POLR2B: variants seen among roughly 807,000 people sequenced by gnomAD.
POLR2B encodes RNA polymerase II subunit B.
A neutral mutation model predicts 144.6 loss-of-function variants in POLR2B; 57 were observed. That is an observed-to-expected ratio of 0.39 (90% CI 0.32 to 0.49). The LOEUF (loss-of-function observed/expected upper bound fraction) is 0.49. Ranked by LOEUF, POLR2B falls within the 20% of genes least tolerant of loss-of-function variation. The pLI is 0.83. For synonymous variants in POLR2B, 442 were observed against 469.8 expected, an observed-to-expected ratio of 0.94 and a Z score of 0.77; for missense variants, 595 against 1,467.4, an observed-to-expected ratio of 0.41 and a Z score of 9.71.
At chr4:56,998,369 G>C (rs1257536487) in intron 6 of POLR2B, among the ~76,000 whole-genome samples, 5 of 151,820 alleles carry the variant, frequency 3.3e-5, no homozygotes, top group Non-Finnish European at 7.4e-5. Context: ...AGCTAATTTT[G>C]TATATTTAGT....
In POLR2B at chr4:57,025,374, C is replaced by A; in HGVS notation, c.3079-3C>A. 6.2e-7 allele frequency: 1 copy of A among 1,607,686 alleles called. No individual in the cohort carries two copies. The highest frequency in any genetic ancestry group is 8.5e-7 in the Non-Finnish European group (1 of 1,174,388). On this transcript the variant is annotated splice_region_variant and splice_polypyrimidine_tract_variant and intron_variant, in intron 22 of 24. Transcript: ENST00000314595. ...TACACTTCAAAATCTGTGTTTGTTG[C>A]AGGTCCTGTACAATGGGTTCACTGG...
chr4:56,999,500 C>T (rs779898411), intron 6 of POLR2B, 117 bp from the exon 7 acceptor site: 34 of 575,786 alleles, frequency 5.9e-5, no homozygotes, highest in African/African-American at 1.9e-4. Context: ...TATTGGGAGG[C>T]GTGCTTCTTT....
At chr4:56,992,355 C>T (rs965972693) in intron 3 of POLR2B, among the ~76,000 whole-genome samples, 1 of 141,170 alleles carries the variant, frequency 7.1e-6, no homozygotes, top group Non-Finnish European at 1.5e-5. Context: ...GTCCCAGCTA[C>T]TAGGGAGGCT....
intron 5 of POLR2B, 28 bp from the exon 6 acceptor site, chr4:56,995,223 G>A: frequency 6.4e-7 from 1 of 1,556,704 alleles, no homozygotes; most frequent in Non-Finnish European, 8.8e-7. Context: ...TGGATTTTAT[G>A]GCTGTAACTT....
intron 2 of POLR2B, among the ~76,000 whole-genome samples, chr4:56,989,919 G>A (rs1233821249): frequency 1.3e-5 from 2 of 151,926 alleles, no homozygotes; most frequent in East Asian, 3.9e-4. Context: ...TTATAAATAT[G>A]ATGTCTGCTT....
chr4:57,013,574 G>A (rs1723269330), intron 13 of POLR2B, among the ~76,000 whole-genome samples: 1 of 139,828 alleles, frequency 7.2e-6, no homozygotes, highest in South Asian at 2.3e-4. Context: ...ATGTCTCTCT[G>A]TCACCCAGGC....
At chr4:57,016,002 G>A (rs1217492493) in intron 14 of POLR2B, among the ~76,000 whole-genome samples, 1 of 152,082 alleles carries the variant, frequency 6.6e-6, no homozygotes, top group Non-Finnish European at 1.5e-5. Flanking sequence ...CAGGTGATCC[G>A]CCTGCTTCAG....
In POLR2B at chr4:57,020,999, A is replaced by T; in HGVS notation, c.2420+4A>T. The T allele has an allele frequency of 6.6e-7, 1 of 1,507,554 alleles. No individual in the cohort carries two copies. The highest frequency in any genetic ancestry group is 1.1e-5 in the South Asian group (1 of 88,512). 93.4% of individuals were successfully genotyped at this position (1,507,554 alleles called of 1,614,324 possible). On this transcript the variant is annotated splice_donor_region_variant and intron_variant, in intron 17 of 24. Transcript: ENST00000314595. Reference sequence around the variant, plus strand: ...CTGTAGACCGCGGCTTCTTCAGGTTAGTATTTTGTAAATTTGTCAAAACAC... The same window carrying T: ...CTGTAGACCGCGGCTTCTTCAGGTTTGTATTTTGTAAATTTGTCAAAACAC...
Position 56,992,464 on chromosome 4 carries a change from CAAAAAAAA to C in POLR2B, c.243+1587_243+1594del, listed in dbSNP as rs1209234628. On this transcript the variant is annotated intron_variant, in intron 3 of 24. Coordinates refer to ENST00000314595, the MANE Select transcript of POLR2B (RefSeq NM_000938.3). ...TGGGCGAGAGGTCGAGACTCTGTCT[CAAAAAAAA>C]AAAAAAAAAAAAAAAAAAAAGAAAA... Among the ~76,000 whole-genome samples, 19 of 17,140 alleles carry C rather than the reference CAAAAAAAA, an allele frequency of 1.1e-3. 1 individual carries two copies. The South Asian group carries it at 0.067, about 61-fold the overall frequency. 11.2% of individuals were successfully genotyped at this position (17,140 alleles called of 152,430 possible).
At chr4:56,994,894 CAAAATGGTAGTT>C in intron 5 of POLR2B, 28 bp downstream of exon 5, 1 of 868,096 alleles carries the variant, frequency 1.2e-6, no homozygotes, top group Non-Finnish European at 1.6e-6. Context: ...TAAAAAATTA[CAAAATGGTAGTT>C]AAAATTTAGT....
chr4:57,004,020 CTTTTTTTTTTTTTT>C (rs138828073), intron 7 of POLR2B, among the ~76,000 whole-genome samples: 11 of 72,336 alleles, frequency 1.5e-4, no homozygotes, highest in African/African-American at 6.4e-4. Flanking sequence ...TAAATTAAAT[CTTTTTTTTTTTTTT>C]TTTTTTTTTT....
At chr4:57,011,998 T>G (rs1298974064) in intron 13 of POLR2B, among the ~76,000 whole-genome samples, 1 of 152,238 alleles carries the variant, frequency 6.6e-6, no homozygotes, top group Non-Finnish European at 1.5e-5. Flanking sequence ...CCATCTGGGA[T>G]TTATCCTTTG....
chr4:56,986,783 G>A, intron 2 of POLR2B: 1 of 160,902 alleles, frequency 6.2e-6, no homozygotes, highest in East Asian at 1.7e-4. Context: ...GATAGAGTGA[G>A]ACCCTGTTTC....
chr4:56,985,206 G>A, intron 1 of POLR2B: 1 of 495,686 alleles, frequency 2.0e-6, no homozygotes, highest in Non-Finnish European at 2.6e-6. Flanking sequence ...CCTCAGAATA[G>A]TGTATGTCTT....
chr4:57,031,107 T>C lies in POLR2B; in HGVS notation c.*119T>C. Reference sequence around the variant, plus strand: ...GATAAAAAGTATTTTATTTGTTTAATGATATGCATGCTTTTCTTCTGTAAA... The same window carrying C: ...GATAAAAAGTATTTTATTTGTTTAACGATATGCATGCTTTTCTTCTGTAAA... On this transcript the variant is annotated 3_prime_UTR_variant, in exon 25 of 25. Coordinates refer to ENST00000314595, the MANE Select transcript of POLR2B (RefSeq NM_000938.3). 1.4e-6 allele frequency: 1 copy of C among 737,112 alleles called. No homozygotes were observed. The highest frequency in any genetic ancestry group is 1.7e-5 in the South Asian group (1 of 60,282). 45.7% of individuals were successfully genotyped at this position (737,112 alleles called of 1,614,324 possible).
At chr4:56,993,168 G>A (rs1487027154) in intron 3 of POLR2B, among the ~76,000 whole-genome samples, 1 of 151,788 alleles carries the variant, frequency 6.6e-6, no homozygotes. Flanking sequence ...AGCCGGGCCT[G>A]GTGGTGCGCC....
chr4:56,984,745 C>G (rs1238377862), intron 1 of POLR2B, among the ~76,000 whole-genome samples: 1 of 152,056 alleles, frequency 6.6e-6, no homozygotes, highest in African/African-American at 2.4e-5. Context: ...AAATTTTGAA[C>G]CCAGATCTCC....
chr4:57,010,501 A>G lies in POLR2B; in HGVS notation c.1545A>G (p.Pro515=), dbSNP rs747927752. The G allele has an allele frequency of 6.2e-7, 1 of 1,612,870 alleles. No individual in the cohort carries two copies. The highest frequency in any genetic ancestry group is 8.5e-7 in the Non-Finnish European group (1 of 1,179,618). The change falls in exon 11 of 25, where the codon CCA becomes CCG. Residue 515 remains proline, a synonymous_variant. Transcript: ENST00000314595. ...GAATGGTGTGTCCTGCCGAGACCCCAGAGGTAATACATTAGAATTTACATT... is the reference window on the plus strand; with the variant it reads ...GAATGGTGTGTCCTGCCGAGACCCCGGAGGTAATACATTAGAATTTACATT... ...LWGMVCPAET[P]EGHAVGLVKN... is the part of the protein sequence containing the mutation.
At chr4:56,981,317 T>C (rs552145613) in intron 1 of POLR2B, among the ~76,000 whole-genome samples, 3 of 151,880 alleles carry the variant, frequency 2.0e-5, no homozygotes, top group African/African-American at 2.4e-5. Context: ...AAGTAGTCTC[T>C]TGATGGATAT....
Sources: allele counts gnomAD v4.1 joint callset (sites outside exome capture counted in the v4.1 genomes callset), GRCh38; gene constraint gnomAD v4.1.1; transcripts MANE v1.5; gene names NCBI Gene and HGNC (gene_info 2026-07-23, HGNC 2026-07-21).